Variants in HS3ST4 observed in about 807,000 individuals in gnomAD.
The protein encoded by HS3ST4 is heparan sulfate-glucosamine 3-sulfotransferase 4.
In HS3ST4, 17 loss-of-function variants were observed where a neutral mutation model predicts 29.2. The observed-to-expected ratio is 0.58, with a 90% CI of 0.40 to 0.87. The LOEUF (loss-of-function observed/expected upper bound fraction) is 0.87. Among genes scored for constraint, HS3ST4 ranks in the 40% least tolerant of loss-of-function variants. The probability of loss-of-function intolerance (pLI) is 0.00; values close to 1 mark genes in which losing one functional copy is unlikely to be tolerated. For synonymous variants in HS3ST4, 314 were observed against 285.7 expected (o/e 1.10, Z -1.00); for missense variants, 627 against 634.5 (o/e 0.99, Z 0.13).
chr16:26,001,147 A>T (rs1481010672), intron 1 of HS3ST4, among the ~76,000 whole-genome samples: 1 of 152,168 alleles, frequency 6.6e-6, no homozygotes, highest in Admixed American at 6.6e-5. Context: ...GTCAATTTAC[A>T]ATATTGGAAT....
At chr16:25,757,958 G>C (rs1966767337) in intron 1 of HS3ST4, among the ~76,000 whole-genome samples, 1 of 152,126 alleles carries the variant, frequency 6.6e-6, no homozygotes, top group Admixed American at 6.5e-5. Flanking sequence ...GTTCTGTAGA[G>C]AGATGTTATC....
intron 1 of HS3ST4, among the ~76,000 whole-genome samples, chr16:26,009,071 T>C (rs529133002): frequency 1.3e-5 from 2 of 152,282 alleles, no homozygotes; most frequent in African/African-American, 4.8e-5. Context: ...TGTCATGTGG[T>C]CTTAGTACCT....
chr16:25,741,972 A>G (rs1004801294), intron 1 of HS3ST4, among the ~76,000 whole-genome samples: 10 of 152,234 alleles, frequency 6.6e-5, no homozygotes, highest in African/African-American at 2.4e-4. Context: ...GTTAAAAAAA[A>G]GAGTATGTGA....
intron 1 of HS3ST4, among the ~76,000 whole-genome samples, chr16:25,874,913 C>T (rs1045254215): frequency 6.6e-6 from 1 of 152,148 alleles, no homozygotes; most frequent in Non-Finnish European, 1.5e-5. Flanking sequence ...ATTTACTTAT[C>T]TGTACATGGG....
chr16:26,015,670 G>A (rs776709296), intron 1 of HS3ST4, among the ~76,000 whole-genome samples: 3 of 152,136 alleles, frequency 2.0e-5, no homozygotes, highest in Non-Finnish European at 4.4e-5. Flanking sequence ...ACCTTGAACC[G>A]TCTTGTTAAG....
intron 1 of HS3ST4, among the ~76,000 whole-genome samples, chr16:25,780,792 T>C (rs77494646): frequency 0.025 from 3,743 of 152,256 alleles, 165 homozygotes; most frequent in African/African-American, 0.086. Context: ...CTTAAGACAT[T>C]TAACCACTAG....
intron 1 of HS3ST4, among the ~76,000 whole-genome samples, chr16:25,796,074 G>A (rs866792268): frequency 2.9e-4 from 44 of 151,968 alleles, no homozygotes; most frequent in East Asian, 1.7e-3. Flanking sequence ...CTTCTGTCTC[G>A]GATATTTCCT....
chr16:26,084,772 T>G (rs190837158), intron 1 of HS3ST4, among the ~76,000 whole-genome samples: 100 of 152,210 alleles, frequency 6.6e-4, no homozygotes, highest in South Asian at 2.1e-3. Context: ...TGTTGTTGTT[T>G]TTTTTTTAAT....
intron 1 of HS3ST4, among the ~76,000 whole-genome samples, chr16:25,984,759 G>A (rs988068118): frequency 1.3e-5 from 2 of 152,110 alleles, no homozygotes; most frequent in Non-Finnish European, 2.9e-5. Flanking sequence ...TTTTACAGCT[G>A]CATAGTATTC....
chr16:25,939,318 TATTATTATTATC>T (rs138597858), intron 1 of HS3ST4, among the ~76,000 whole-genome samples: 21,746 of 79,662 alleles, frequency 0.27, 1,697 homozygotes, highest in African/African-American at 0.3. Flanking sequence ...TTATTATTAT[TATTATTATTATC>T]ATTATTATTA....
At chr16:26,024,246 G>A (rs556445333) in intron 1 of HS3ST4, among the ~76,000 whole-genome samples, 3 of 146,672 alleles carry the variant, frequency 2.0e-5, no homozygotes, top group Admixed American at 6.8e-5. Context: ...AAAAAAAAAG[G>A]CAATGTCTGT....
chr16:25,916,893 A>G (rs1968298992), intron 1 of HS3ST4, among the ~76,000 whole-genome samples: 1 of 151,470 alleles, frequency 6.6e-6, no homozygotes, highest in Non-Finnish European at 1.5e-5. Flanking sequence ...GTTAGCCAGG[A>G]TGGTCTCGAT....
In HS3ST4 at chr16:25,697,892, C is replaced by T. The variant is rs369760044; in HGVS notation, c.734+4741C>T. On this transcript the variant is annotated intron_variant, in intron 1 of 1. Coordinates refer to ENST00000331351, the MANE Select transcript of HS3ST4 (RefSeq NM_006040.3). The stretch of plus-strand genomic sequence containing the variant: ...TTCACCATGTTGGCCAGGATGGTCT[C>T]GATCGCTTGACTTTGTGATCTGCCT... Among the ~76,000 whole-genome samples, 4 of 152,038 alleles carry T rather than the reference C, an allele frequency of 2.6e-5. No homozygotes were observed. The East Asian group carries it at 5.8e-4, about 22-fold the overall frequency.
intron 1 of HS3ST4, among the ~76,000 whole-genome samples, chr16:25,864,700 T>C (rs1272272231): frequency 3.9e-5 from 6 of 152,122 alleles, no homozygotes; most frequent in Admixed American, 1.3e-4. Context: ...TTCATGCATG[T>C]CATCTCAAGT....
At position 26,042,917 on chromosome 16, in the gene HS3ST4, C is replaced by A. The variant is rs1018809170; in HGVS notation, c.735-92695C>A. On this transcript the variant is annotated intron_variant, in intron 1 of 1. Transcript: ENST00000331351. ...TGGATTTTGGCAGTATCATTTTACA[C>A]TATAAATCCCTTTTCCCCGGTAACC... is the stretch of plus-strand genomic sequence containing the variant. Among the ~76,000 whole-genome samples the A allele has an allele frequency of 2.6e-5, 4 of 152,174 alleles. No individual in the cohort carries two copies. The East Asian group carries it at 7.7e-4, about 29-fold the overall frequency.
intron 1 of HS3ST4, among the ~76,000 whole-genome samples, chr16:26,127,003 T>C (rs1899352825): frequency 6.6e-6 from 1 of 151,938 alleles, no homozygotes; most frequent in African/African-American, 2.4e-5. Context: ...CTACCCTCCT[T>C]GGCAATGGGA....
chr16:25,865,802 C>T (rs1402118970), intron 1 of HS3ST4, among the ~76,000 whole-genome samples: 1 of 152,062 alleles, frequency 6.6e-6, no homozygotes, highest in Non-Finnish European at 1.5e-5. Flanking sequence ...CCTTAGCTGA[C>T]ACCATAGGCA....
At chr16:26,107,196 C>T (rs926209707) in intron 1 of HS3ST4, among the ~76,000 whole-genome samples, 12 of 151,830 alleles carry the variant, frequency 7.9e-5, no homozygotes, top group African/African-American at 2.4e-4. Context: ...GGGTGCCATA[C>T]GTATATATGG....
At chr16:25,872,923 A>G (rs1967770481) in intron 1 of HS3ST4, among the ~76,000 whole-genome samples, 1 of 151,986 alleles carries the variant, frequency 6.6e-6, no homozygotes, top group African/African-American at 2.4e-5. Flanking sequence ...TTTGCCAGAA[A>G]TATCTCCTGT....
Sources: gnomAD v4.1 joint callset for allele counts (sites outside exome capture counted in the v4.1 genomes callset) on GRCh38, gnomAD v4.1.1 for gene constraint, MANE v1.5 for transcripts, NCBI Gene and HGNC (gene_info 2026-07-23, HGNC 2026-07-21) for gene names.